The following DAB1 variants were observed in gnomAD, a reference collection of about 807,000 sequenced individuals.
DAB1 encodes disabled homolog 1.
Under a neutral mutation model 64.6 loss-of-function variants are expected in DAB1, and 15 were observed. That is an observed-to-expected ratio of 0.23 (90% CI 0.16 to 0.36). The LOEUF is 0.36. Ranked by LOEUF, DAB1 falls within the 10% of genes least tolerant of loss-of-function variation. The probability of loss-of-function intolerance (pLI) is 1.00; values close to 1 mark genes in which losing one functional copy is unlikely to be tolerated. For missense variants in DAB1, 596 were observed against 706.7 expected, an observed-to-expected ratio of 0.84 and a Z score of 1.78; for synonymous variants, 235 against 251.9, an observed-to-expected ratio of 0.93 and a Z score of 0.64.
intron 4 of DAB1, among the ~76,000 whole-genome samples, chr1:58,192,187 C>T (rs1169504726): frequency 6.6e-6 from 1 of 151,772 alleles, no homozygotes; most frequent in Admixed American, 6.6e-5. Context: ...CAGTCAAACT[C>T]ATAGAGATAG....
At chr1:57,040,840 A>G (rs1647677848) in intron 9 of DAB1, among the ~76,000 whole-genome samples, 1 of 152,272 alleles carries the variant, frequency 6.6e-6, no homozygotes, top group African/African-American at 2.4e-5. Context: ...GGAGTGAATT[A>G]GAATCACAGT....
At chr1:58,040,758 A>C (rs746859023) in intron 5 of DAB1, among the ~76,000 whole-genome samples, 1 of 152,238 alleles carries the variant, frequency 6.6e-6, no homozygotes, top group Non-Finnish European at 1.5e-5. Context: ...ATGAAAGCTT[A>C]GTTTCTGATG....
chr1:57,201,563 G>C (rs1434521202), intron 2 of DAB1, among the ~76,000 whole-genome samples: 1 of 151,804 alleles, frequency 6.6e-6, no homozygotes, highest in South Asian at 2.1e-4. Context: ...TTTACGATTT[G>C]ATGTGTACCC....
intron 6 of DAB1, among the ~76,000 whole-genome samples, chr1:57,773,981 T>A (rs1575508): frequency 0.17 from 26,493 of 151,878 alleles, 2,993 homozygotes; most frequent in Admixed American, 0.29. Flanking sequence ...CTGTTTTAGG[T>A]CTTTTGCATT....
chr1:57,463,598 C>T (rs1171971666), intron 7 of DAB1, among the ~76,000 whole-genome samples: 1 of 152,124 alleles, frequency 6.6e-6, no homozygotes, highest in Non-Finnish European at 1.5e-5. Context: ...ATCTTTCATC[C>T]ACCCTTGCAC....
intron 3 of DAB1, among the ~76,000 whole-genome samples, chr1:57,141,814 TG>T (rs1658611996): frequency 6.6e-6 from 1 of 152,172 alleles, no homozygotes; most frequent in African/African-American, 2.4e-5. Flanking sequence ...AGCTTACTGG[TG>T]GGAGCTTAAG....
At chr1:57,127,482 A>G (rs1259558632) in intron 4 of DAB1, among the ~76,000 whole-genome samples, 2 of 152,168 alleles carry the variant, frequency 1.3e-5, no homozygotes, top group Non-Finnish European at 2.9e-5. Context: ...CCTTTTCTAT[A>G]ACACTGATTA....
intron 4 of DAB1, among the ~76,000 whole-genome samples, chr1:57,086,004 T>C (rs111956759): frequency 2.6e-5 from 4 of 152,094 alleles, no homozygotes; most frequent in African/African-American, 9.7e-5. Flanking sequence ...AAACAGCATG[T>C]TATATAGGCA....
intron 5 of DAB1, among the ~76,000 whole-genome samples, chr1:58,121,892 A>G (rs1321594047): frequency 6.6e-6 from 1 of 152,200 alleles, no homozygotes; most frequent in East Asian, 1.9e-4. Context: ...GTAGAAGCGA[A>G]AAGAGTTAAG....
chr1:58,463,296 C>T (rs552235266), intron 3 of DAB1, among the ~76,000 whole-genome samples: 8 of 152,220 alleles, frequency 5.3e-5, no homozygotes, highest in African/African-American at 1.7e-4. Flanking sequence ...GACAGGTCGT[C>T]GTATGAGTGC....
At chr1:57,744,838 G>T (rs1176917875) in intron 6 of DAB1, among the ~76,000 whole-genome samples, 1 of 152,150 alleles carries the variant, frequency 6.6e-6, no homozygotes, top group Non-Finnish European at 1.5e-5. Flanking sequence ...AGGAACAAAA[G>T]CTAAATGGGA....
At chr1:57,581,147 T>G (rs1434923110) in intron 7 of DAB1, among the ~76,000 whole-genome samples, 1 of 152,230 alleles carries the variant, frequency 6.6e-6, no homozygotes, top group Non-Finnish European at 1.5e-5. Flanking sequence ...CATCCAGGCA[T>G]ATTTTTGTCA....
intron 5 of DAB1, among the ~76,000 whole-genome samples, chr1:58,116,703 A>G (rs1652355379): frequency 6.6e-6 from 1 of 152,200 alleles, no homozygotes; most frequent in Non-Finnish European, 1.5e-5. Flanking sequence ...AAGAAGCTAG[A>G]CTTCAATCTC....
chr1:58,301,609 T>C (rs1662171800), intron 4 of DAB1, among the ~76,000 whole-genome samples: 1 of 152,174 alleles, frequency 6.6e-6, no homozygotes, highest in African/African-American at 2.4e-5. Context: ...CTGCTGTAGA[T>C]GCATTGTTTT....
intron 1 of DAB1, among the ~76,000 whole-genome samples, chr1:57,327,462 A>T (rs1204042094): frequency 6.6e-6 from 1 of 152,138 alleles, no homozygotes; most frequent in Non-Finnish European, 1.5e-5. Context: ...ATTCCTCTCT[A>T]TGTGACCTGC....
chr1:57,421,415 A>G (rs760957230), intron 1 of DAB1, among the ~76,000 whole-genome samples: 7 of 152,188 alleles, frequency 4.6e-5, no homozygotes, highest in Non-Finnish European at 7.3e-5. Context: ...AATAAAAACT[A>G]CTAAAAATCA....
chr1:57,237,250 G>T (rs955125930), intron 2 of DAB1, among the ~76,000 whole-genome samples: 1 of 152,200 alleles, frequency 6.6e-6, no homozygotes, highest in African/African-American at 2.4e-5. Context: ...AGGTACATTT[G>T]TTGGGATGAA....
intron 5 of DAB1, among the ~76,000 whole-genome samples, chr1:58,030,856 A>C (rs6674944): frequency 0.41 from 61,686 of 152,104 alleles, 12,777 homozygotes; most frequent in Non-Finnish European, 0.44. Context: ...CTATACATAC[A>C]TATGACTAGG....
chr1:57,267,215 A>G (rs1670651711), intron 2 of DAB1, among the ~76,000 whole-genome samples: 1 of 150,904 alleles, frequency 6.6e-6, no homozygotes, highest in East Asian at 2.0e-4. Context: ...CAGCCAAGGA[A>G]TGCCAGTGGC....
Sources: gnomAD v4.1 joint callset for allele counts (sites outside exome capture counted in the v4.1 genomes callset) on GRCh38, gnomAD v4.1.1 for gene constraint, MANE v1.5 for transcripts, NCBI Gene and HGNC (gene_info 2026-07-23, HGNC 2026-07-21) for gene names.